Variants in CPNE6 observed in about 807,000 individuals in gnomAD.
CPNE6 encodes copine 6.
A neutral mutation model predicts 71.5 loss-of-function variants in CPNE6; 33 were observed. That is an observed-to-expected ratio of 0.46 (90% CI 0.35 to 0.62). The LOEUF is 0.62. Ranked by LOEUF, CPNE6 falls within the 20% of genes least tolerant of loss-of-function variation. The probability of loss-of-function intolerance (pLI) is 0.00; values close to 1 mark genes in which losing one functional copy is unlikely to be tolerated. For synonymous variants in CPNE6, 296 were observed against 293.0 expected, an observed-to-expected ratio of 1.01 and a Z score of -0.10; for missense variants, 576 against 747.3, an observed-to-expected ratio of 0.77 and a Z score of 2.67.
intron 1 of CPNE6, chr14:24,071,271 C>A: frequency 7.9e-7 from 1 of 1,272,550 alleles, no homozygotes; most frequent in Non-Finnish European, 1.1e-6. Context: ...CATCATTTCT[C>A]TGTTTGAATG....
chr14:24,075,480 C>A lies in CPNE6; in HGVS notation c.778-25C>A. 1 of 1,600,202 alleles carries A rather than the reference C, an allele frequency of 6.2e-7. No homozygotes were observed. Among genetic ancestry groups the A allele is most frequent in the East Asian group, 2.2e-5 (1 of 44,592 alleles). ...AGGGGTCACCTGATGGACTTGTGAC[C>A]CTGAGCTTGTGGGGTGGGGTCTAGA... On this transcript the variant is annotated intron_variant, in intron 9 of 17. Transcript: ENST00000397016. This position sits in a 1 kb window ranked among gnomAD's most constrained non-coding sequence, Gnocchi z 4.3.
At position 24,074,509 on chromosome 14, in the gene CPNE6, G is replaced by A. The variant is rs377310738; in HGVS notation, c.499-22G>A. Reference sequence around the variant, plus strand: ...CTTGCAGCTCTCACCAACCTCAAGGGCCCTTTCTCCTGTATCTTCAGGATC... The same window carrying A: ...CTTGCAGCTCTCACCAACCTCAAGGACCCTTTCTCCTGTATCTTCAGGATC... On this transcript the variant is annotated intron_variant, in intron 6 of 17. Coordinates refer to ENST00000397016, the Ensembl canonical transcript of CPNE6. This position sits in a 1 kb window ranked among gnomAD's most constrained non-coding sequence, Gnocchi z 4.5. 15 of 1,611,302 alleles carry A rather than the reference G, an allele frequency of 9.3e-6. No individual in the cohort carries two copies. The African/African-American group carries it at 1.3e-4, about 14-fold the overall frequency.
At chr14:24,071,501 G>GGGCCC in intron 1 of CPNE6, 61 bp from the exon 1 acceptor site, 83 of 1,416,568 alleles carry the variant, frequency 5.9e-5, no homozygotes, top group Non-Finnish European at 7.4e-5. Flanking sequence ...CTGGTGCTGC[G>GGGCCC]CCCCCCCCCA....
In CPNE6 at chr14:24,073,864, T is replaced by A. The variant is rs925203874; in HGVS notation, c.348+186T>A. Among the ~76,000 whole-genome samples the A allele has an allele frequency of 1.3e-5, 2 of 152,224 alleles. No homozygotes were observed. The highest frequency in any genetic ancestry group is 4.8e-5 in the African/African-American group (2 of 41,460). ...ACCTCTCTGAGTCTTAGTTTTCCTATCTAAAAAATGGAGGAGTGGTCAGAG... is the reference window on the plus strand; with the variant it reads ...ACCTCTCTGAGTCTTAGTTTTCCTAACTAAAAAATGGAGGAGTGGTCAGAG... On this transcript the variant is annotated intron_variant, in intron 4 of 17. Coordinates refer to ENST00000397016, the Ensembl canonical transcript of CPNE6. The surrounding 1 kb of genome is among the most constrained non-coding windows in gnomAD (Gnocchi z 5.5).
chr14:24,071,496 G>C, intron 1 of CPNE6, 66 bp from the exon 1 acceptor site: 2 of 1,526,510 alleles, frequency 1.3e-6, no homozygotes, highest in South Asian at 2.4e-5. Flanking sequence ...GGGAGCTGGT[G>C]CTGCGCCCCC....
chr14:24,073,506 G>T lies in CPNE6; in HGVS notation c.176G>T (p.Arg59Leu). The change falls in exon 4 of 18, where the codon CGC (arginine) becomes CTC (leucine). Residue 59 changes from arginine (R) to leucine (L), a missense_variant. Around this residue, in one of 4 missense-constraint regions of CPNE6, gnomAD observed 89 missense variants for 80.4 expected, o/e 1.11. Coordinates refer to ENST00000397016, the Ensembl canonical transcript of CPNE6. This position sits in a 1 kb window ranked among gnomAD's most constrained non-coding sequence, Gnocchi z 5.5. ...CTTCAACCACTACCACAGGTAGAGC[G>T]CACAGAGGTGCTTCGCTCCTGTTCC... 6.2e-7 allele frequency: 1 copy of T among 1,613,226 alleles called. No homozygotes were observed. Among genetic ancestry groups the T allele is most frequent in the Non-Finnish European group, 8.5e-7 (1 of 1,179,836 alleles).
intron 1 of CPNE6, 61 bp from the exon 1 acceptor site, chr14:24,071,501 G>GGCGGCCCCCCCCCCC: frequency 7.1e-7 from 1 of 1,416,704 alleles, no homozygotes; most frequent in Non-Finnish European, 9.3e-7. Flanking sequence ...CTGGTGCTGC[G>GGCGGCCCCCCCCCCC]CCCCCCCCCA....
chr14:24,074,768 C>T lies in CPNE6; in HGVS notation c.645C>T (p.Cys215=), dbSNP rs1202869392. 23 of 1,613,726 alleles carry T rather than the reference C, an allele frequency of 1.4e-5. No individual in the cohort carries two copies. Among genetic ancestry groups the T allele is most frequent in the Non-Finnish European group, 1.9e-5 (22 of 1,179,904 alleles). The change falls in exon 8 of 18, where the codon TGC becomes TGT. Residue 215 remains cysteine (C), a synonymous_variant. Coordinates refer to ENST00000397016, the Ensembl canonical transcript of CPNE6. The surrounding 1 kb of genome is among the most constrained non-coding windows in gnomAD (Gnocchi z 4.5). ...TCCGCCTGTCCCTGCATTCCCTATG[C>T]AGCTGTGATGTTCACCGACCTCTCA...
rs1381259852 is a variant in CPNE6, at chr14:24,075,710, C to T, written c.865-117C>T. 3 of 1,351,482 alleles carry T rather than the reference C, an allele frequency of 2.2e-6. No homozygotes were observed. Among genetic ancestry groups the T allele is most frequent in the Non-Finnish European group, 3.1e-6 (3 of 959,252 alleles). The allele number at this position is 1,351,482 out of a possible 1,614,324, so 83.7% of individuals were successfully genotyped here. A position where few individuals can be genotyped will look rare whatever the true frequency, so the allele number is the denominator to read the frequency against. On this transcript the variant is annotated intron_variant, in intron 10 of 17. Transcript: ENST00000397016. This position sits in a 1 kb window ranked among gnomAD's most constrained non-coding sequence, Gnocchi z 4.3. The stretch of plus-strand genomic sequence containing the variant: ...TCTGCTTCTGGGAACTGGAAACCAC[C>T]CCCAACTGCAACCCAAAAAACTCTG...
chr14:24,072,905 G>A, intron 2 of CPNE6, 28 bp from the exon 2 acceptor site: 2 of 1,506,552 alleles, frequency 1.3e-6, no homozygotes, highest in East Asian at 2.6e-5. Context: ...CCTTTCCAGA[G>A]TCCAGGCCAC....
chr14:24,070,979 T>C, exon 1 of CPNE6: 1 of 1,535,576 alleles, frequency 6.5e-7, no homozygotes, highest in Non-Finnish European at 8.7e-7. Flanking sequence ...CAGCAAGGTA[T>C]GTGATGGCTT....
In CPNE6 at chr14:24,074,014, A is replaced by G; in HGVS notation, c.349-37A>G. On this transcript the variant is annotated intron_variant, in intron 4 of 17. Transcript: ENST00000397016. This position sits in a 1 kb window ranked among gnomAD's most constrained non-coding sequence, Gnocchi z 4.5. ...TTGTACGTGGCCAAGGCAGATGGGGATGTCACAGCTGGGTCTCCCTCCACC... is the reference window on the plus strand; with the variant it reads ...TTGTACGTGGCCAAGGCAGATGGGGGTGTCACAGCTGGGTCTCCCTCCACC... The G allele has an allele frequency of 6.4e-7, 1 of 1,560,922 alleles. No homozygotes were observed. Among genetic ancestry groups the G allele is most frequent in the Non-Finnish European group, 8.8e-7 (1 of 1,131,686 alleles).
Position 24,073,709 on chromosome 14 carries a change from A to G in CPNE6, c.348+31A>G. On this transcript the variant is annotated intron_variant, in intron 4 of 17. Coordinates refer to ENST00000397016, the Ensembl canonical transcript of CPNE6. This position sits in a 1 kb window ranked among gnomAD's most constrained non-coding sequence, Gnocchi z 5.5. ...CATTCCCGGCCTCCCCGGCTACCCT[A>G]CCCTACCTCCATCAGCTTTGCCTCT... is the stretch of plus-strand genomic sequence containing the variant. 6.3e-7 allele frequency: 1 copy of G among 1,591,186 alleles called. No homozygotes were observed. The highest frequency in any genetic ancestry group is 8.6e-7 in the Non-Finnish European group (1 of 1,168,378).
At chr14:24,076,763 G>T in intron 14 of CPNE6, 116 bp from the exon 14 acceptor site, 1 of 1,543,608 alleles carries the variant, frequency 6.5e-7, no homozygotes, top group Non-Finnish European at 8.9e-7. Flanking sequence ...ACTGCTTAAT[G>T]AAGGAACTCG....
At chr14:24,072,513 C>G (rs538949485) in intron 2 of CPNE6, 1 of 160,032 alleles carries the variant, frequency 6.2e-6, no homozygotes, top group South Asian at 2.0e-4. Flanking sequence ...GCCTCTCCAC[C>G]CCCTGCCCCA....
chr14:24,076,835 C>A (rs1373761736), intron 14 of CPNE6, 44 bp from the exon 14 acceptor site: 1 of 1,608,520 alleles, frequency 6.2e-7, no homozygotes, highest in Non-Finnish European at 8.5e-7. Flanking sequence ...CAGGAGGGGG[C>A]CCTGCTCATT....
At chr14:24,071,757 C>T (rs963066849) in intron 2 of CPNE6, 116 bp downstream of exon 1, 2 of 578,478 alleles carry the variant, frequency 3.5e-6, no homozygotes, top group African/African-American at 1.9e-5. Flanking sequence ...ATCCCTTCAC[C>T]ACCACAAGCC....
In CPNE6 at chr14:24,074,203, C is replaced by T. The variant is rs1249016280; in HGVS notation, c.423+78C>T. ...ATGGACACCTATGGTGACATCATGC[C>T]CAGGACCACCCCCACCTAAGGGAAA... is the stretch of plus-strand genomic sequence containing the variant. On this transcript the variant is annotated intron_variant, in intron 5 of 17. Transcript: ENST00000397016. This position sits in a 1 kb window ranked among gnomAD's most constrained non-coding sequence, Gnocchi z 4.5. 6.3e-7 allele frequency: 1 copy of T among 1,595,560 alleles called. No individual in the cohort carries two copies. The highest frequency in any genetic ancestry group is 8.6e-7 in the Non-Finnish European group (1 of 1,163,264).
Position 24,075,894 on chromosome 14 carries a change from C to T in CPNE6, c.924+8C>T, listed in dbSNP as rs1251038398. The T allele has an allele frequency of 1.9e-6, 3 of 1,613,912 alleles. No individual in the cohort carries two copies. Among genetic ancestry groups the T allele is most frequent in the Non-Finnish European group, 2.5e-6 (3 of 1,179,960 alleles). ...TGCCAGATCAGCTTCACGGTAAAGA[C>T]TCAGAGGGAGGGCACACAGGCAAGA... On this transcript the variant is annotated splice_region_variant and intron_variant, in intron 11 of 17. Coordinates refer to ENST00000397016, the Ensembl canonical transcript of CPNE6. The surrounding 1 kb of genome is among the most constrained non-coding windows in gnomAD (Gnocchi z 4.3).
Sources: allele counts gnomAD v4.1 joint callset (sites outside exome capture counted in the v4.1 genomes callset), GRCh38; gene constraint gnomAD v4.1.1; regional missense constraint gnomAD v4.1.1; non-coding constraint Gnocchi (gnomAD v3.1); transcripts MANE v1.5; gene names NCBI Gene and HGNC (gene_info 2026-07-23, HGNC 2026-07-21).